Variants in PRMT1 observed in about 807,000 individuals in gnomAD.
PRMT1 encodes the protein protein arginine N-methyltransferase 1.
In PRMT1, 5 loss-of-function variants were observed where a neutral mutation model predicts 47.4. The observed-to-expected ratio is 0.11, with a 90% CI of 0.06 to 0.22. The LOEUF (loss-of-function observed/expected upper bound fraction) is 0.22, where lower values mean the gene tolerates loss of function less well. Ranked by LOEUF, PRMT1 falls within the 10% of genes least tolerant of loss-of-function variation. The probability of loss-of-function intolerance (pLI) is 1.00; values close to 1 mark genes in which losing one functional copy is unlikely to be tolerated. For synonymous variants in PRMT1, 227 were observed against 204.6 expected (o/e 1.11, Z -0.94); for missense variants, 249 against 518.4 (o/e 0.48, Z 5.05).
At chr19:49,678,594 TG>T (rs2082071194) in intron 1 of PRMT1, among the ~76,000 whole-genome samples, 1 of 152,086 alleles carries the variant, frequency 6.6e-6, no homozygotes, top group East Asian at 1.9e-4. Context: ...CTTGGAGACT[TG>T]GATAGTGGTC....
At chr19:49,676,805 C>T (rs908535510), upstream of PRMT1, among the ~76,000 whole-genome samples, 2 of 152,226 alleles carry the variant, frequency 1.3e-5, no homozygotes, top group Non-Finnish European at 2.9e-5. Flanking sequence ...TGAGGCCGGC[C>T]GCTTGGCGAG....
upstream of PRMT1, among the ~76,000 whole-genome samples, chr19:49,676,885 T>C (rs1361290567): frequency 6.6e-6 from 1 of 152,186 alleles, no homozygotes; most frequent in African/African-American, 2.4e-5. Flanking sequence ...CGGGTCGTTT[T>C]GGTGATGGAC....
In PRMT1 at chr19:49,688,234, C is replaced by CGGATGCGCTGA; in HGVS notation, c.1108_*2dup. The CGGATGCGCTGA allele has an allele frequency of 4.3e-6, 7 of 1,613,920 alleles. No homozygotes were observed. The highest frequency in any genetic ancestry group is 5.9e-6 in the Non-Finnish European group (7 of 1,179,908). On this transcript the variant is annotated stop_gained and frameshift_variant, in exon 11 of 11. Transcript: ENST00000454376. LOFTEE classifies it high-confidence loss of function. The surrounding 1 kb of genome is among the most constrained non-coding windows in gnomAD (Gnocchi z 5.3). ...CGAGCTGTCCTGCTCCACCGACTAC[C>CGGATGCGCTGA]GGATGCGCTGAGGCCCGGCTCTCCC...
At chr19:49,686,749 G>T in intron 10 of PRMT1, 23 bp downstream of exon 10, 1 of 1,603,014 alleles carries the variant, frequency 6.2e-7, no homozygotes, top group Non-Finnish European at 8.5e-7. Context: ...GCAGCTGGGT[G>T]GGAGGGTGGC....
chr19:49,685,583 G>A lies in PRMT1; in HGVS notation c.760-510G>A, dbSNP rs2123001984. ...TACGGCGATGAGTATTTGTTGAGCTGGGATGTGTGAGCCGGGTGAAGCTGG... is the reference window on the plus strand; with the variant it reads ...TACGGCGATGAGTATTTGTTGAGCTAGGATGTGTGAGCCGGGTGAAGCTGG... On this transcript the variant is annotated intron_variant, in intron 8 of 10. Transcript: ENST00000454376. The surrounding 1 kb of genome is among the most constrained non-coding windows in gnomAD (Gnocchi z 4.7). 1 of 1,021,716 alleles carries A rather than the reference G, an allele frequency of 9.8e-7. No individual in the cohort carries two copies. The highest frequency in any genetic ancestry group is 1.2e-6 in the Non-Finnish European group (1 of 851,860). The allele number at this position is 1,021,716 out of a possible 1,614,324, so 63.3% of individuals were successfully genotyped here.
chr19:49,684,631 G>C lies in PRMT1; in HGVS notation c.556-123G>C. 1 of 1,135,042 alleles carries C rather than the reference G, an allele frequency of 8.8e-7. No homozygotes were observed. 70.3% of individuals were successfully genotyped at this position (1,135,042 alleles called of 1,614,324 possible). On this transcript the variant is annotated intron_variant, in intron 6 of 10. Coordinates refer to ENST00000454376, the MANE Select transcript of PRMT1 (RefSeq NM_001536.6). The surrounding 1 kb of genome is among the most constrained non-coding windows in gnomAD (Gnocchi z 6.2). ...GTGTGGGAAATAGACCAGGGGGCGA[G>C]GGGTGAGTGCCGCTGCGACATGAGG...
chr19:49,688,274 C>T lies in PRMT1; in HGVS notation c.*29C>T, dbSNP rs1316055530. 6.2e-7 allele frequency: 1 copy of T among 1,609,286 alleles called. No individual in the cohort carries two copies. Among genetic ancestry groups the T allele is most frequent in the Admixed American group, 1.7e-5 (1 of 59,994 alleles). ...CCGGCTCTCCCGCCCTGCACGAGCC[C>T]AGGGGCTGAGCGTTCCTAGGCGGTT... On this transcript the variant is annotated 3_prime_UTR_variant, in exon 11 of 11. Transcript: ENST00000454376. The surrounding 1 kb of genome is among the most constrained non-coding windows in gnomAD (Gnocchi z 5.3).
upstream of PRMT1, among the ~76,000 whole-genome samples, chr19:49,676,734 A>G (rs1167727516): frequency 2.0e-5 from 3 of 152,034 alleles, no homozygotes; most frequent in African/African-American, 7.3e-5. Context: ...CTTTGAGCCA[A>G]TCGTTGGTGC....
chr19:49,686,556 G>C, intron 9 of PRMT1, 49 bp from the exon 10 acceptor site: 1 of 1,537,588 alleles, frequency 6.5e-7, no homozygotes, highest in Non-Finnish European at 8.8e-7. Context: ...CAAGGGTGGG[G>C]TTGGGGGGGG....
intron 5 of PRMT1, 64 bp downstream of exon 5, chr19:49,682,323 C>T (rs1319413199): frequency 2.0e-6 from 3 of 1,534,974 alleles, no homozygotes; most frequent in Non-Finnish European, 2.7e-6. Context: ...TCCCCAGGGC[C>T]CTCTGAAGAG....
At position 49,681,889 on chromosome 19, in the gene PRMT1, T is replaced by A; in HGVS notation, c.193-21T>A. On this transcript the variant is annotated intron_variant, in intron 3 of 10. Coordinates refer to ENST00000454376, the MANE Select transcript of PRMT1 (RefSeq NM_001536.6). The surrounding 1 kb of genome is among the most constrained non-coding windows in gnomAD (Gnocchi z 4.4). ...GGGATATGGGGCCCCTCACGGCGTCTCTGTGCCATTCTTGCCCTAGGAGAT... is the reference window on the plus strand; with the variant it reads ...GGGATATGGGGCCCCTCACGGCGTCACTGTGCCATTCTTGCCCTAGGAGAT... 1 of 1,606,772 alleles carries A rather than the reference T, an allele frequency of 6.2e-7. No homozygotes were observed. The highest frequency in any genetic ancestry group is 8.5e-7 in the Non-Finnish European group (1 of 1,174,558).
At chr19:49,687,440 G>C (rs959350928) in intron 10 of PRMT1, among the ~76,000 whole-genome samples, 2 of 152,016 alleles carry the variant, frequency 1.3e-5, no homozygotes, top group Admixed American at 6.5e-5. Context: ...ATGGAATGTG[G>C]ACCCTGGGAC....
Position 49,684,828 on chromosome 19 carries a change from C to T in PRMT1, c.630C>T (p.Asp210=). The T allele has an allele frequency of 1.2e-6, 2 of 1,610,112 alleles. No individual in the cohort carries two copies. The highest frequency in any genetic ancestry group is 1.7e-6 in the Non-Finnish European group (2 of 1,178,090). ...VTAIEDRQYK[D]YKIHWWENVY... ...CCATCGAGGACCGGCAGTACAAAGA[C>T]TACAAGATCCACTGTGAGCGCGGCC... The change falls in exon 7 of 11, where the codon GAC becomes GAT. Residue 210 remains aspartate (D), a synonymous_variant. Transcript: ENST00000454376. This position sits in a 1 kb window ranked among gnomAD's most constrained non-coding sequence, Gnocchi z 6.2.
upstream of PRMT1, chr19:49,676,943 G>T: frequency 3.6e-6 from 1 of 279,824 alleles, no homozygotes; most frequent in Non-Finnish European, 6.6e-6. Context: ...GGGAAGCTTT[G>T]AGGCGGTGCT....
rs768381761 is a variant in PRMT1 at position 49,679,882 on chromosome 19, C to T, written c.47C>T (p.Ala16Val). 3 of 1,612,598 alleles carry T rather than the reference C, an allele frequency of 1.9e-6. No individual in the cohort carries two copies. The highest frequency in any genetic ancestry group is 2.5e-6 in the Non-Finnish European group (3 of 1,179,060). The change falls in exon 2 of 11, where the codon GCC (alanine) becomes GTC (valine). Residue 16 changes from alanine (A) to valine (V), a missense_variant. Transcript: ENST00000454376. Reference sequence around the variant, plus strand: ...GTTACTCTCTCCTAGAATTTTGTAGCCACCTTGGCTAATGGGATGAGCCTC... The same window carrying T: ...GTTACTCTCTCCTAGAATTTTGTAGTCACCTTGGCTAATGGGATGAGCCTC... ...AANCIMENFV[A>V]TLANGMSLQP...
At position 49,685,227 on chromosome 19, in the gene PRMT1, G is replaced by A. The variant is rs2082187451; in HGVS notation, c.759+190G>A. ...TTTAAATATCTTTGTGAGCGCTGCT[G>A]TGTGAGAACCATGCTTGGCACTTGG... On this transcript the variant is annotated intron_variant, in intron 8 of 10. Coordinates refer to ENST00000454376, the MANE Select transcript of PRMT1 (RefSeq NM_001536.6). The surrounding 1 kb of genome is among the most constrained non-coding windows in gnomAD (Gnocchi z 4.7). 1.3e-6 allele frequency: 2 copies of A among 1,514,594 alleles called. No individual in the cohort carries two copies. Among genetic ancestry groups the A allele is most frequent in the Middle Eastern group, 1.7e-4 (1 of 5,780 alleles). The allele number at this position is 1,514,594 out of a possible 1,614,324, so 93.8% of individuals were successfully genotyped here. A position where few individuals can be genotyped will look rare whatever the true frequency, so the allele number is the denominator to read the frequency against.
chr19:49,686,390 G>C, intron 9 of PRMT1, 147 bp downstream of exon 9: 1 of 1,284,416 alleles, frequency 7.8e-7, no homozygotes, highest in Non-Finnish European at 1.0e-6. Flanking sequence ...CAGTCACGTG[G>C]CCTTGGGCAA....
intron 9 of PRMT1, 78 bp from the exon 10 acceptor site, chr19:49,686,527 C>A: frequency 2.4e-6 from 3 of 1,270,400 alleles, no homozygotes; most frequent in East Asian, 6.1e-5. Flanking sequence ...TGGGGGTGGG[C>A]ATTCCGACAG....
chr19:49,677,291 C>A lies in PRMT1; in HGVS notation c.11C>A (p.Ala4Asp). MAAAEAANCIMENF... is the reference protein window; with the variant it reads MAADEAANCIMENF... The stretch of plus-strand genomic sequence containing the variant: ...TAGGTGCGGGTGAAGATGGCGGCAG[C>A]CGAGGCCGCGAACTGCATCATGGAG... The change falls in exon 1 of 11, where the codon GCC (alanine) becomes GAC (aspartate). Residue 4 changes from alanine to aspartate, a missense_variant. By Grantham distance (126) the Ala-to-Asp change is moderately radical. Around this residue, in one of 2 missense-constraint regions of PRMT1, gnomAD observed 59 missense variants for 61.7 expected, o/e 0.96. Transcript: ENST00000454376. 7.1e-7 allele frequency: 1 copy of A among 1,413,154 alleles called. No homozygotes were observed. Among genetic ancestry groups the A allele is most frequent in the Non-Finnish European group, 9.3e-7 (1 of 1,080,984 alleles). The allele number at this position is 1,413,154 out of a possible 1,614,324, so 87.5% of individuals were successfully genotyped here.
Sources: gnomAD v4.1 joint callset for allele counts (sites outside exome capture counted in the v4.1 genomes callset) on GRCh38, gnomAD v4.1.1 for gene constraint, gnomAD v4.1.1 regional missense constraint, Gnocchi (gnomAD v3.1) non-coding constraint, MANE v1.5 for transcripts, NCBI Gene and HGNC (gene_info 2026-07-23, HGNC 2026-07-21) for gene names.